Variants in DYNC1I2 observed in about 807,000 individuals in gnomAD.
The protein encoded by DYNC1I2 is dynein cytoplasmic 1 intermediate chain 2.
A neutral mutation model predicts 88.6 loss-of-function variants in DYNC1I2; 53 were observed. The observed-to-expected ratio is 0.60, with a 90% CI of 0.48 to 0.75. The LOEUF is 0.75. Ranked by LOEUF, DYNC1I2 falls within the 30% of genes least tolerant of loss-of-function variation. The probability of loss-of-function intolerance (pLI) is 0.00; values close to 1 mark genes in which losing one functional copy is unlikely to be tolerated. For synonymous variants in DYNC1I2, 198 were observed against 254.6 expected (o/e 0.78, Z 2.12); for missense variants, 458 against 766.6 (o/e 0.60, Z 4.75).
intron 7 of DYNC1I2, 138 bp downstream of exon 7, chr2:171,715,581 A>T (rs1244561267): frequency 3.4e-6 from 2 of 582,262 alleles, no homozygotes; most frequent in Admixed American, 6.3e-5. Context: ...AACATGAGAA[A>T]ACTAATGCTT....
chr2:171,727,816 T>G lies in DYNC1I2; in HGVS notation c.997-5T>G. 3 of 1,609,084 alleles carry G rather than the reference T, an allele frequency of 1.9e-6. No individual in the cohort carries two copies. In the South Asian group the frequency reaches 3.3e-5, roughly 18 times the overall value. ...CTCAAGTATAAAAATCTTACTTATT[T>G]GCAGTCAGCTGTGATGTCTGCCACA... On this transcript the variant is annotated splice_polypyrimidine_tract_variant and splice_region_variant and intron_variant, in intron 11 of 17. Coordinates refer to ENST00000397119, the MANE Select transcript of DYNC1I2 (RefSeq NM_001378.3).
At chr2:171,711,089 A>G (rs1012351699) in intron 5 of DYNC1I2, among the ~76,000 whole-genome samples, 6 of 148,762 alleles carry the variant, frequency 4.0e-5, no homozygotes, top group African/African-American at 7.5e-5. Flanking sequence ...TCATTGTTCA[A>G]TTCCCACCTG....
intron 6 of DYNC1I2, among the ~76,000 whole-genome samples, chr2:171,714,674 T>C (rs879650240): frequency 3.9e-5 from 6 of 152,218 alleles, no homozygotes; most frequent in Admixed American, 6.5e-5. Flanking sequence ...TTAGTAGATT[T>C]ATGGTATTCA....
At chr2:171,713,648 T>G (rs1374507895) in intron 6 of DYNC1I2, among the ~76,000 whole-genome samples, 5 of 152,162 alleles carry the variant, frequency 3.3e-5, no homozygotes, top group Non-Finnish European at 5.9e-5. Flanking sequence ...CTAATGCAAA[T>G]TATAAATGTT....
intron 7 of DYNC1I2, among the ~76,000 whole-genome samples, chr2:171,724,092 C>G (rs1219325590): frequency 6.6e-6 from 1 of 152,144 alleles, no homozygotes; most frequent in Non-Finnish European, 1.5e-5. Context: ...TATCCTAGTT[C>G]TGTAAACTTG....
chr2:171,735,920 T>C (rs887743446), intron 15 of DYNC1I2, among the ~76,000 whole-genome samples: 1 of 152,200 alleles, frequency 6.6e-6, no homozygotes, highest in African/African-American at 2.4e-5. Flanking sequence ...ATATTTACCA[T>C]AAAATGACGA....
intron 15 of DYNC1I2, among the ~76,000 whole-genome samples, chr2:171,736,570 T>C (rs1337513407): frequency 6.6e-6 from 1 of 152,200 alleles, no homozygotes; most frequent in Non-Finnish European, 1.5e-5. Context: ...CAAGCTAAGA[T>C]AGCCTGATTC....
chr2:171,705,876 G>T (rs939168020), intron 3 of DYNC1I2, among the ~76,000 whole-genome samples: 2 of 151,940 alleles, frequency 1.3e-5, no homozygotes, highest in South Asian at 4.1e-4. Context: ...TGAAATTTAA[G>T]CAGTTAGCCA....
intron 8 of DYNC1I2, 22 bp from the exon 9 acceptor site, chr2:171,725,896 TC>T: frequency 6.4e-7 from 1 of 1,554,008 alleles, no homozygotes; most frequent in Non-Finnish European, 8.6e-7. Context: ...AAATCATACT[TC>T]AAAAAATTAT....
In DYNC1I2 at chr2:171,728,723, A is replaced by G. The variant is rs1418935026; in HGVS notation, c.1264A>G (p.Met422Val). ...CTCAGGTTTTTCTATGTAGGATAGC[A>G]TGGAGTTGGTTCATAAACAGTCAAA... is the stretch of plus-strand genomic sequence containing the variant. Reference protein sequence around the residue: ...LDMLSHPQDSMELVHKQSKAV... With the variant: ...LDMLSHPQDSVELVHKQSKAV... Residue 422 changes from methionine to valine, a missense_variant, in exon 14 of 18, where the codon ATG becomes GTG. Physicochemically the swap from Met to Val is conservative, Grantham distance 21 (BLOSUM62 1). This residue lies in a region of DYNC1I2 where 188 missense variants were observed against 300.4 expected (regional missense o/e 0.63). Transcript: ENST00000397119. 2 of 1,592,108 alleles carry G rather than the reference A, an allele frequency of 1.3e-6. No homozygotes were observed. The highest frequency in any genetic ancestry group is 1.8e-5 in the Admixed American group (1 of 55,516).
At chr2:171,706,176 A>G (rs925587562) in intron 3 of DYNC1I2, among the ~76,000 whole-genome samples, 7 of 152,138 alleles carry the variant, frequency 4.6e-5, no homozygotes, top group Non-Finnish European at 7.4e-5. Flanking sequence ...TATAACTAGG[A>G]ACTTGCCTTC....
chr2:171,736,573 C>G (rs1689023118), intron 15 of DYNC1I2, among the ~76,000 whole-genome samples: 1 of 152,224 alleles, frequency 6.6e-6, no homozygotes, highest in African/African-American at 2.4e-5. Flanking sequence ...GCTAAGATAG[C>G]CTGATTCATT....
At chr2:171,712,641 C>A in intron 5 of DYNC1I2, 126 bp from the exon 6 acceptor site, 5 of 633,832 alleles carry the variant, frequency 7.9e-6, no homozygotes, top group Non-Finnish European at 1.3e-5. Context: ...TTTTTTAATA[C>A]TAACCAGAAC....
intron 3 of DYNC1I2, among the ~76,000 whole-genome samples, chr2:171,695,629 T>C (rs1318727509): frequency 6.6e-6 from 1 of 152,236 alleles, no homozygotes; most frequent in African/African-American, 2.4e-5. Context: ...AGTTTCCTTT[T>C]GTCTCTTTGC....
intron 7 of DYNC1I2, among the ~76,000 whole-genome samples, chr2:171,720,031 AT>A (rs36082906): frequency 0.46 from 65,608 of 141,808 alleles, 15,588 homozygotes; most frequent in East Asian, 0.67. Context: ...TTCTGTATGG[AT>A]TTTTTTTTTT....
intron 15 of DYNC1I2, among the ~76,000 whole-genome samples, chr2:171,740,916 T>C (rs1322035401): frequency 6.6e-6 from 1 of 152,178 alleles, no homozygotes; most frequent in Non-Finnish European, 1.5e-5. Context: ...CATTTTCAAA[T>C]TTTAGAAAGA....
In DYNC1I2 at chr2:171,728,861, A is replaced by G; in HGVS notation, c.1391+11A>G. The G allele has an allele frequency of 6.3e-7, 1 of 1,598,676 alleles. No homozygotes were observed. The highest frequency in any genetic ancestry group is 1.3e-5 in the African/African-American group (1 of 74,358). ...ATGCCGCCATGGCAGGTAAACCTAA[A>G]CTGGAATTTGCAATAATTTAAAATT... On this transcript the variant is annotated intron_variant, in intron 14 of 17. Coordinates refer to ENST00000397119, the MANE Select transcript of DYNC1I2 (RefSeq NM_001378.3).
Position 171,726,041 on chromosome 2 carries a change from T to G in DYNC1I2, c.730T>G (p.Phe244Val). ...AGCTCTTTCTGAGCAGATTAACATC[T>G]TCTTTGACTATAGTGGGAGAGATTT... is the stretch of plus-strand genomic sequence containing the variant. ...ERALSEQINI[F>V]FDYSGRDLED... The change falls in exon 9 of 18, where the codon TTC (phenylalanine) becomes GTC (valine). Residue 244 changes from phenylalanine to valine, a missense_variant. Physicochemically the swap from Phe to Val is conservative, Grantham distance 50. Coordinates refer to ENST00000397119, the MANE Select transcript of DYNC1I2 (RefSeq NM_001378.3). 6.3e-7 allele frequency: 1 copy of G among 1,588,686 alleles called. No individual in the cohort carries two copies. Among genetic ancestry groups the G allele is most frequent in the Non-Finnish European group, 8.5e-7 (1 of 1,172,388 alleles).
intron 15 of DYNC1I2, among the ~76,000 whole-genome samples, chr2:171,738,103 A>G: frequency 6.6e-6 from 1 of 152,162 alleles, no homozygotes; most frequent in Non-Finnish European, 1.5e-5. Flanking sequence ...AGGCCGAGGC[A>G]GGCAGATCAT....
Sources: allele counts gnomAD v4.1 joint callset (sites outside exome capture counted in the v4.1 genomes callset), GRCh38; gene constraint gnomAD v4.1.1; regional missense constraint gnomAD v4.1.1; transcripts MANE v1.5; gene names NCBI Gene and HGNC (gene_info 2026-07-23, HGNC 2026-07-21).